The following CD300A variants were observed in gnomAD, a reference collection of about 807,000 sequenced individuals.
CD300A encodes the protein CMRF35-like molecule 8.
In CD300A, 22 loss-of-function variants were observed where a neutral mutation model predicts 33.6. The observed-to-expected ratio is 0.66, with a 90% CI of 0.47 to 0.94. The LOEUF is 0.94. Among genes scored for constraint, CD300A ranks in the 40% least tolerant of loss-of-function variants. CD300A has a pLI of 0.00. For missense variants in CD300A, 326 were observed against 360.5 expected, an observed-to-expected ratio of 0.90 and a Z score of 0.77; for synonymous variants, 136 against 148.1, an observed-to-expected ratio of 0.92 and a Z score of 0.59.
chr17:74,466,598 G>A (rs1002419318), upstream of CD300A: 2 of 1,275,016 alleles, frequency 1.6e-6, no homozygotes, highest in African/African-American at 1.5e-5. Flanking sequence ...GAAGCAGCGC[G>A]GCACCAAGAA....
At chr17:74,481,222 C>T (rs1906819070) in intron 4 of CD300A, 67 bp from the exon 5 acceptor site, 4 of 1,507,112 alleles carry the variant, frequency 2.7e-6, no homozygotes, top group Admixed American at 3.4e-5. Flanking sequence ...TCCCAGAAGG[C>T]TTGTAAGGTC....
In CD300A at chr17:74,474,645, G is replaced by A; in HGVS notation, c.493G>A (p.Ala165Thr). Residue 165 changes from alanine to threonine, a missense_variant, in exon 3 of 7, where the codon GCC becomes ACC. Ala to Thr is a moderately conservative substitution (Grantham distance 58, BLOSUM62 0). Coordinates refer to ENST00000360141, the MANE Select transcript of CD300A (RefSeq NM_007261.4). ...TLFAVGATHS[A>T]SIQEETEEVV... ...GTTTGCAGTGGGTGCCACCCACAGT[G>A]CCAGCATCCAGGAGGAAACTGAGGA... 1.2e-6 allele frequency: 2 copies of A among 1,614,176 alleles called. No homozygotes were observed. Among genetic ancestry groups the A allele is most frequent in the Non-Finnish European group, 1.7e-6 (2 of 1,180,006 alleles).
rs1053876784 is a variant in CD300A, at chr17:74,480,546, T to C, written c.629-743T>C. Reference sequence around the variant, plus strand: ...GGCCTGGGGCAGCAGGCAGGTGGGCTGTCTGGGAGGGCAGACCTCAGGCAC... The same window carrying C: ...GGCCTGGGGCAGCAGGCAGGTGGGCCGTCTGGGAGGGCAGACCTCAGGCAC... On this transcript the variant is annotated intron_variant, in intron 4 of 6. Transcript: ENST00000360141. The surrounding 1 kb of genome is among the most constrained non-coding windows in gnomAD (Gnocchi z 4.2). 6.6e-6 allele frequency among the ~76,000 whole-genome samples: 1 copy of C among 152,094 alleles called. No individual in the cohort carries two copies. Among genetic ancestry groups the C allele is most frequent in the Non-Finnish European group, 1.5e-5 (1 of 67,998 alleles).
intron 1 of CD300A, chr17:74,469,898 C>A: frequency 1.1e-6 from 1 of 906,926 alleles, no homozygotes; most frequent in Non-Finnish European, 1.3e-6. Flanking sequence ...TATACTAACT[C>A]CACTGTTTTT....
chr17:74,473,626 C>T lies in CD300A; in HGVS notation c.131C>T (p.Thr44Ile). The T allele has an allele frequency of 1.2e-6, 2 of 1,614,186 alleles. No individual in the cohort carries two copies. The highest frequency in any genetic ancestry group is 1.7e-6 in the Non-Finnish European group (2 of 1,180,046). The change falls in exon 2 of 7, where the codon ACC (threonine) becomes ATC (isoleucine). Residue 44 changes from threonine (T) to isoleucine (I), a missense_variant. Coordinates refer to ENST00000360141, the MANE Select transcript of CD300A (RefSeq NM_007261.4). ...VQCPYEKEHR[T>I]LNKYWCRPPQ... Reference sequence around the variant, plus strand: ...TGTCCCTATGAGAAGGAACACAGGACCCTCAACAAATACTGGTGCAGACCA... The same window carrying T: ...TGTCCCTATGAGAAGGAACACAGGATCCTCAACAAATACTGGTGCAGACCA...
intron 6 of CD300A, among the ~76,000 whole-genome samples, chr17:74,482,732 T>TTTTCTCTCTCTCTCTCTCTCTC (rs1336360956): frequency 1.6e-4 from 21 of 133,010 alleles, no homozygotes; most frequent in African/African-American, 7.3e-4. Context: ...CTTTCTTTCT[T>TTTTCTCTCTCTCTCTCTCTCTC]TGGAATCTCG....
intron 4 of CD300A, among the ~76,000 whole-genome samples, chr17:74,478,637 G>T (rs1906637922): frequency 6.6e-6 from 1 of 152,216 alleles, no homozygotes; most frequent in Non-Finnish European, 1.5e-5. Context: ...TCCCTGTTCG[G>T]AGAGTTGAAG....
intron 6 of CD300A, among the ~76,000 whole-genome samples, chr17:74,483,443 G>A (rs1225283995): frequency 2.7e-5 from 4 of 149,202 alleles, no homozygotes; most frequent in Admixed American, 6.8e-5. Flanking sequence ...TGCAACCTCC[G>A]CCTCCCCGGT....
In CD300A at chr17:74,481,799, C is replaced by T. The variant is rs199846807; in HGVS notation, c.740C>T (p.Pro247Leu). The T allele has an allele frequency of 7.4e-6, 12 of 1,612,898 alleles. No homozygotes were observed. The East Asian group carries it at 2.7e-4, about 36-fold the overall frequency. The part of the protein sequence containing the change: ...LMWPLQEKPA[P>L]PREVEVEYST... ...TGGCCTCTGCAGGAAAAGCCAGCAC[C>T]ACCAAGGGAGGTGGAGGTGGAATAC... The change falls in exon 6 of 7, where the codon CCA becomes CTA. Residue 247 changes from proline (P) to leucine (L), a missense_variant. By Grantham distance (98) the Pro-to-Leu change is moderately conservative (BLOSUM62 -3). Coordinates refer to ENST00000360141, the MANE Select transcript of CD300A (RefSeq NM_007261.4).
At chr17:74,479,819 C>T (rs947345739) in intron 4 of CD300A, among the ~76,000 whole-genome samples, 14 of 152,068 alleles carry the variant, frequency 9.2e-5, no homozygotes, top group Non-Finnish European at 1.8e-4. Context: ...GAGCCTGACA[C>T]CTGCCTCATC....
intron 4 of CD300A, among the ~76,000 whole-genome samples, chr17:74,479,869 G>GTTCA: frequency 6.6e-6 from 1 of 152,140 alleles, no homozygotes. Flanking sequence ...CACATTTGTC[G>GTTCA]TTCATTCATT....
Position 74,484,208 on chromosome 17 carries a change from T to C in CD300A, c.*82T>C, listed in dbSNP as rs1598113080. 2 of 1,476,504 alleles carry C rather than the reference T, an allele frequency of 1.4e-6. No homozygotes were observed. The highest frequency in any genetic ancestry group is 4.7e-5 in the East Asian group (2 of 42,792). The allele number at this position is 1,476,504 out of a possible 1,614,324, so 91.5% of individuals were successfully genotyped here. A position where few individuals can be genotyped will look rare whatever the true frequency, so the allele number is the denominator to read the frequency against. On this transcript the variant is annotated 3_prime_UTR_variant, in exon 7 of 7. Transcript: ENST00000360141. The stretch of plus-strand genomic sequence containing the variant: ...GCTCCCTTATACCTGGCCCACGTCC[T>C]TCTCAGCCTGCCCTCGACAACAGTG...
chr17:74,475,796 C>A (rs1392411327), intron 3 of CD300A, among the ~76,000 whole-genome samples: 2 of 152,158 alleles, frequency 1.3e-5, no homozygotes, highest in African/African-American at 4.8e-5. Context: ...CACTTCTGAC[C>A]AACTGGATGC....
intron 1 of CD300A, 75 bp downstream of exon 1, chr17:74,466,818 C>T: frequency 1.3e-6 from 2 of 1,550,438 alleles, no homozygotes; most frequent in Non-Finnish European, 1.7e-6. Flanking sequence ...GGGCAGGTAT[C>T]ACACGAGACG....
At chr17:74,479,559 T>A (rs8077343) in intron 4 of CD300A, among the ~76,000 whole-genome samples, 20,209 of 152,120 alleles carry the variant, frequency 0.13, 3,421 homozygotes, top group African/African-American at 0.39. Flanking sequence ...CAAATTGGCC[T>A]CATACCACTC....
intron 6 of CD300A, 35 bp downstream of exon 6, chr17:74,481,868 C>T (rs765094342): frequency 6.5e-7 from 1 of 1,527,266 alleles, no homozygotes; most frequent in Admixed American, 1.9e-5. Flanking sequence ...GGCATGCGGC[C>T]CCTGGGCTGT....
At chr17:74,475,539 T>G (rs1533898) in intron 3 of CD300A, among the ~76,000 whole-genome samples, 150,739 of 152,278 alleles carry the variant, frequency 0.99, 74,611 homozygotes, top group East Asian at 1. Context: ...CTTTTTCGGG[T>G]TCACCAACCC....
In CD300A at chr17:74,484,330, A is replaced by G; in HGVS notation, c.*204A>G. 2.1e-6 allele frequency: 1 copy of G among 473,926 alleles called. No homozygotes were observed. The allele number at this position is 473,926 out of a possible 1,614,324, so 29.4% of individuals were successfully genotyped here. A position where few individuals can be genotyped will look rare whatever the true frequency, so the allele number is the denominator to read the frequency against. ...GCCAGCAGGGCTGGGGGCTCCGGAGAGCAGCAGGAAGCACTCCCAGCCACC... is the reference window on the plus strand; with the variant it reads ...GCCAGCAGGGCTGGGGGCTCCGGAGGGCAGCAGGAAGCACTCCCAGCCACC... On this transcript the variant is annotated 3_prime_UTR_variant, in exon 7 of 7. Transcript: ENST00000360141.
At chr17:74,474,284 T>G (rs2293191) in intron 2 of CD300A, among the ~76,000 whole-genome samples, 83,346 of 151,638 alleles carry the variant, frequency 0.55, 25,227 homozygotes, top group African/African-American at 0.81. Context: ...CAGCATGGAG[T>G]TTCGCAGGAG....
Sources: gnomAD v4.1 joint callset for allele counts (sites outside exome capture counted in the v4.1 genomes callset) on GRCh38, gnomAD v4.1.1 for gene constraint, Gnocchi (gnomAD v3.1) non-coding constraint, MANE v1.5 for transcripts, NCBI Gene and HGNC (gene_info 2026-07-23, HGNC 2026-07-21) for gene names.